Variants in ASPM observed in about 807,000 individuals in gnomAD.
ASPM encodes assembly factor for spindle microtubules.
In ASPM, 256 loss-of-function variants were observed where a neutral mutation model predicts 366.4. The observed-to-expected ratio is 0.70, with a 90% CI of 0.63 to 0.77. The LOEUF (loss-of-function observed/expected upper bound fraction) is 0.77. Ranked by LOEUF, ASPM falls within the 30% of genes least tolerant of loss-of-function variation. The pLI, the probability that ASPM is intolerant of heterozygous loss-of-function variation, is 0.00. For missense variants in ASPM, 4,146 were observed against 4,090.4 expected (o/e 1.01, Z -0.37); for synonymous variants, 1,414 against 1,342.9 (o/e 1.05, Z -1.16).
chr1:197,142,501 G>A lies in ASPM; in HGVS notation c.1751C>T (p.Ala584Val). 1 of 1,613,978 alleles carries A rather than the reference G, an allele frequency of 6.2e-7. No individual in the cohort carries two copies. Among genetic ancestry groups the A allele is most frequent in the Non-Finnish European group, 8.5e-7 (1 of 1,179,864 alleles). Residue 584 changes from alanine to valine, a missense_variant, in exon 3 of 28, where the codon GCA becomes GTA. Ala to Val is a moderately conservative substitution (Grantham distance 64). Transcript: ENST00000367409. ...TTCTGTAATTGCAACTCTCACATTT[G>A]CATCTTCCATGCTTCCATCGCTCTT... is the stretch of plus-strand genomic sequence containing the variant. ...KRKSDGSMED[A>V]NVRVAITEHT...
rs1317349551 is a variant in ASPM, at chr1:197,104,593, G to C, written c.4658C>G (p.Ala1553Gly). Residue 1553 changes from alanine to glycine, a missense_variant, in exon 18 of 28, where the codon GCT becomes GGT. Physicochemically the swap from Ala to Gly is moderately conservative, Grantham distance 60. This residue lies in a region of ASPM where 3,624 missense variants were observed against 3,591.7 expected (regional missense o/e 1.01). Coordinates refer to ENST00000367409, the MANE Select transcript of ASPM (RefSeq NM_018136.5). ...QLQAAFRRLK[A>G]HNLCRQIRAA... ...TCTAATTTGTCTACATAAATTATGAGCTTTCAGTCTCCTAAAAGCAGCTTG... is the reference window on the plus strand; with the variant it reads ...TCTAATTTGTCTACATAAATTATGACCTTTCAGTCTCCTAAAAGCAGCTTG... 1.2e-6 allele frequency: 2 copies of C among 1,612,722 alleles called. No homozygotes were observed. Among genetic ancestry groups the C allele is most frequent in the Non-Finnish European group, 1.7e-6 (2 of 1,179,406 alleles).
chr1:197,127,948 G>A (rs960979183), intron 10 of ASPM, among the ~76,000 whole-genome samples: 14 of 152,032 alleles, frequency 9.2e-5, no homozygotes, highest in South Asian at 2.1e-4. Flanking sequence ...GGCGGATCAC[G>A]AGGTCAGAAG....
In ASPM at chr1:197,102,298, A is replaced by C; in HGVS notation, c.6953T>G (p.Ile2318Ser). ...CATCCATCTTCTGTATGATGACTGG[A>C]TTTTAATAACTGCATTTTGTACCTG... is the stretch of plus-strand genomic sequence containing the variant. The part of the protein sequence containing the change: ...FLQVQNAVIK[I>S]QSSYRRWMIR... Residue 2318 changes from isoleucine to serine, a missense_variant, in exon 18 of 28, where the codon ATC becomes AGC. Transcript: ENST00000367409. 1 of 1,612,772 alleles carries C rather than the reference A, an allele frequency of 6.2e-7. No individual in the cohort carries two copies. The highest frequency in any genetic ancestry group is 8.5e-7 in the Non-Finnish European group (1 of 1,179,292).
rs752372677 is a variant in ASPM, at chr1:197,093,172, G to C, written c.9174C>G (p.Ile3058Met). ...CCCTGGCTCGTATATATTTTTGTATGATCAAAGCAGCAGATTTCTGCCGAA... is the reference window on the plus strand; with the variant it reads ...CCCTGGCTCGTATATATTTTTGTATCATCAAAGCAGCAGATTTCTGCCGAA... ...VFLRQKSAAL[I>M]IQKYIRAREA... Residue 3058 changes from isoleucine to methionine, a missense_variant, in exon 21 of 28, where the codon ATC becomes ATG. By Grantham distance (10) the Ile-to-Met change is conservative. Coordinates refer to ENST00000367409, the MANE Select transcript of ASPM (RefSeq NM_018136.5). 6.2e-7 allele frequency: 1 copy of C among 1,612,420 alleles called. No individual in the cohort carries two copies. Among genetic ancestry groups the C allele is most frequent in the East Asian group, 2.2e-5 (1 of 44,816 alleles).
At chr1:197,096,616 G>A (rs1374246223) in intron 18 of ASPM, among the ~76,000 whole-genome samples, 1 of 151,800 alleles carries the variant, frequency 6.6e-6, no homozygotes. Flanking sequence ...AGAATCCTGA[G>A]AGCTCCTGTG....
At chr1:197,108,500 A>G (rs953227205) in intron 17 of ASPM, among the ~76,000 whole-genome samples, 3 of 152,098 alleles carry the variant, frequency 2.0e-5, no homozygotes, top group East Asian at 1.9e-4. Flanking sequence ...CAAATTATCA[A>G]TATCAGGAAT....
intron 15 of ASPM, 48 bp from the exon 16 acceptor site, chr1:197,122,091 C>T (rs574184759): frequency 6.2e-7 from 1 of 1,600,752 alleles, no homozygotes; most frequent in East Asian, 2.2e-5. Flanking sequence ...ACAGAGAATA[C>T]AGTACTTACT....
intron 10 of ASPM, among the ~76,000 whole-genome samples, chr1:197,128,209 T>C (rs1030964353): frequency 6.6e-6 from 1 of 151,926 alleles, no homozygotes; most frequent in African/African-American, 2.4e-5. Flanking sequence ...TTTTAATTAG[T>C]TTAATGGTCT....
rs759969905 is a variant in ASPM at position 197,117,877 on chromosome 1, C to T, written c.3977G>A (p.Trp1326Ter). 8.7e-6 allele frequency: 14 copies of T among 1,613,430 alleles called. No homozygotes were observed. The highest frequency in any genetic ancestry group is 1.2e-5 in the Non-Finnish European group (14 of 1,179,534). Residue 1326 changes from tryptophan to a stop codon, truncating the protein, a stop_gained, in exon 17 of 28, where the codon TGG becomes TAG. Transcript: ENST00000367409. LOFTEE classifies it high-confidence loss of function. The part of the protein sequence containing the change: ...VNAALVIQKY[W>*]RRVLAQRKLL... Reference sequence around the variant, plus strand: ...TTTTCTCTGTGCTAAGACTCTTCGCCAATATTTCTGAATGACGAGTGCTGC... The same window carrying T: ...TTTTCTCTGTGCTAAGACTCTTCGCTAATATTTCTGAATGACGAGTGCTGC...
chr1:197,142,847 T>C lies in ASPM; in HGVS notation c.1405A>G (p.Asn469Asp), dbSNP rs1658636562. 1.2e-6 allele frequency: 2 copies of C among 1,613,378 alleles called. No homozygotes were observed. The highest frequency in any genetic ancestry group is 1.7e-6 in the Non-Finnish European group (2 of 1,179,390). ...SNYYSFIKQN[N>D]PKFSAVQDIS... ...TCCTGAACTGCAGAAAATTTAGGAT[T>C]ATTTTGTTTTATAAAACTGTAGTAA... Residue 469 changes from asparagine (N) to aspartate (D), a missense_variant, in exon 3 of 28, where the codon AAT (asparagine) becomes GAT (aspartate). Asn to Asp is a conservative substitution (Grantham distance 23). Transcript: ENST00000367409.
At chr1:197,121,741 A>G (rs184516030) in intron 16 of ASPM, among the ~76,000 whole-genome samples, 174 bp downstream of exon 16, 102 of 152,310 alleles carry the variant, frequency 6.7e-4, no homozygotes, top group Non-Finnish European at 1.3e-3. Flanking sequence ...AGGGAATATT[A>G]GCAATTAGGG....
At position 197,112,821 on chromosome 1, in the gene ASPM, C is replaced by T. The variant is rs146216670; in HGVS notation, c.4065+4968G>A. Among the ~76,000 whole-genome samples the T allele has an allele frequency of 1.4e-4, 22 of 152,100 alleles. No individual in the cohort carries two copies. The East Asian group carries it at 4.3e-3, about 29-fold the overall frequency. On this transcript the variant is annotated intron_variant, in intron 17 of 27. Transcript: ENST00000367409. ...TAAAATGTATAAAACCAAGCTGTGC[C>T]CCGACTGCCTTGGGCACATGTCAAG...
Position 197,104,251 on chromosome 1 carries a change from C to A in ASPM, c.5000G>T (p.Arg1667Leu). The change falls in exon 18 of 28, where the codon CGT becomes CTT. Residue 1667 changes from arginine to leucine, a missense_variant. By Grantham distance (102) the Arg-to-Leu change is moderately radical (BLOSUM62 -2). Around this residue, in one of 3 missense-constraint regions of ASPM, gnomAD observed 3,624 missense variants for 3,591.7 expected, o/e 1.01. Coordinates refer to ENST00000367409, the MANE Select transcript of ASPM (RefSeq NM_018136.5). ...AAATTCCTTTTTAGAAACATAAGCA[C>A]GATAATATGATTGAATCTTTATAAC... ...TSVIKIQSYYRAYVSKKEFLS... is the reference protein window; with the variant it reads ...TSVIKIQSYYLAYVSKKEFLS... 6.2e-7 allele frequency: 1 copy of A among 1,612,706 alleles called. No homozygotes were observed. Among genetic ancestry groups the A allele is most frequent in the Middle Eastern group, 1.7e-4 (1 of 6,052 alleles).
intron 10 of ASPM, among the ~76,000 whole-genome samples, chr1:197,127,110 TCA>T (rs1658114168): frequency 6.6e-6 from 1 of 152,228 alleles, no homozygotes. Flanking sequence ...CTCTAAATAT[TCA>T]CAGTTCTTTC....
At position 197,084,372 on chromosome 1, in the gene ASPM, G is replaced by A. The variant is rs1329621860; in HGVS notation, c.10386C>T (p.Pro3462=). The A allele has an allele frequency of 1.2e-6, 2 of 1,612,926 alleles. No individual in the cohort carries two copies. The highest frequency in any genetic ancestry group is 1.7e-6 in the Non-Finnish European group (2 of 1,179,692). ...RRDNMEEITN[P]LQAIQMVMDT... The stretch of plus-strand genomic sequence containing the variant: ...CCATCACCATTTGAATAGCTTGCAG[G>A]GGATTTGTGATTTCTTCCATGTTAT... The change falls in exon 28 of 28, where the codon CCC becomes CCT. Residue 3462 remains proline, a synonymous_variant. Transcript: ENST00000367409.
In ASPM at chr1:197,101,045, A is replaced by C. The variant is rs140656421; in HGVS notation, c.8206T>G (p.Leu2736Val). 4.7e-5 allele frequency: 75 copies of C among 1,611,558 alleles called. No homozygotes were observed. The highest frequency in any genetic ancestry group is 6.4e-5 in the Non-Finnish European group (75 of 1,178,888). Reference protein sequence around the residue: ...VRVKTERKNFLAVQKSVRTIQ... With the variant: ...VRVKTERKNFVAVQKSVRTIQ... ...GTTCGTACAGATTTCTGAACTGCTA[A>C]AAAGTTTTTTCTTTCTGTTTTTACT... is the stretch of plus-strand genomic sequence containing the variant. Residue 2736 changes from leucine (L) to valine (V), a missense_variant, in exon 18 of 28, where the codon TTA becomes GTA. By Grantham distance (32) the Leu-to-Val change is conservative. Coordinates refer to ENST00000367409, the MANE Select transcript of ASPM (RefSeq NM_018136.5).
chr1:197,136,246 C>A (rs1447137042), intron 4 of ASPM, among the ~76,000 whole-genome samples: 1 of 151,968 alleles, frequency 6.6e-6, no homozygotes, highest in Admixed American at 6.6e-5. Context: ...GCATTAAAGT[C>A]CTTCAGGTTG....
intron 17 of ASPM, among the ~76,000 whole-genome samples, chr1:197,116,269 G>T (rs890287034): frequency 6.6e-6 from 1 of 152,080 alleles, no homozygotes; most frequent in Admixed American, 6.6e-5. Context: ...TAGAGTTTGG[G>T]CCTTCTCTGG....
At chr1:197,087,130 A>C (rs1210168754) in intron 26 of ASPM, among the ~76,000 whole-genome samples, 158 bp from the exon 27 acceptor site, 1 of 151,848 alleles carries the variant, frequency 6.6e-6, no homozygotes. Context: ...GCTGAAGTGC[A>C]GTGGTGCGAT....
Sources: gnomAD v4.1 joint callset for allele counts (sites outside exome capture counted in the v4.1 genomes callset) on GRCh38, gnomAD v4.1.1 for gene constraint, gnomAD v4.1.1 regional missense constraint, MANE v1.5 for transcripts, NCBI Gene and HGNC (gene_info 2026-07-23, HGNC 2026-07-21) for gene names.